Variants in EPC1 observed in about 807,000 individuals in gnomAD.
EPC1 encodes the protein enhancer of polycomb homolog 1.
Under a neutral mutation model 98.4 loss-of-function variants are expected in EPC1, and 12 were observed. The ratio of observed to expected loss-of-function variants is 0.12; its 90% CI spans 0.08 to 0.20. The LOEUF is 0.20. Among genes scored for constraint, EPC1 ranks in the 10% least tolerant of loss-of-function variants. The pLI is 1.00. For synonymous variants in EPC1, 357 were observed against 363.9 expected (o/e 0.98, Z 0.21); for missense variants, 729 against 990.5 (o/e 0.74, Z 3.54).
chr10:32,347,354 ACAGG>A (rs1838919836), upstream of EPC1: 1 of 265,850 alleles, frequency 3.8e-6, no homozygotes, highest in African/African-American at 2.4e-5. Context: ...CCGGGGGCGG[ACAGG>A]GCGGACTGGG....
chr10:32,364,001 C>CCTTTTTTTTTTT lies in EPC1; in HGVS notation c.3+14489_3+14490insAAAAAAAAAAAG, dbSNP rs770520611. Reference sequence around the variant, plus strand: ...AATAGTATCGTGTCCATCATGTTGGCATTTTTTTTTTTTTTTTTTTTTTTT... The same window carrying CCTTTTTTTTTTT: ...AATAGTATCGTGTCCATCATGTTGGCCTTTTTTTTTTTATTTTTTTTTTTTTTTTTTTTTTTT... On this transcript the variant is annotated intron_variant, in intron 1 of 13. Transcript: ENST00000375110. Among the ~76,000 whole-genome samples the CCTTTTTTTTTTT allele has an allele frequency of 3.6e-4, 22 of 61,858 alleles. 10 individuals carry two copies. Among genetic ancestry groups the CCTTTTTTTTTTT allele is most frequent in the Admixed American group, 9.7e-4 (4 of 4,120 alleles). The allele number at this position is 61,858 out of a possible 152,430, so 40.6% of individuals were successfully genotyped here. A position where few individuals can be genotyped will look rare whatever the true frequency, so the allele number is the denominator to read the frequency against.
At chr10:32,319,164 A>C (rs1836734214) in intron 1 of EPC1, among the ~76,000 whole-genome samples, 1 of 152,192 alleles carries the variant, frequency 6.6e-6, no homozygotes, top group Non-Finnish European at 1.5e-5. Context: ...ATGATTATGT[A>C]ATACTATGGT....
chr10:32,292,892 T>C (rs1210599959), intron 4 of EPC1, 96 bp downstream of exon 4: 2 of 852,408 alleles, frequency 2.3e-6, no homozygotes, highest in Non-Finnish European at 3.4e-6. Flanking sequence ...TGGAAAGTCA[T>C]ATTTGAATAT....
chr10:32,364,430 A>C (rs1839539431), intron 1 of EPC1, among the ~76,000 whole-genome samples: 1 of 152,178 alleles, frequency 6.6e-6, no homozygotes, highest in Non-Finnish European at 1.5e-5. Flanking sequence ...ATTAAAAATT[A>C]ACCCATGCTA....
intron 10 of EPC1, among the ~76,000 whole-genome samples, chr10:32,279,353 A>C (rs1458244635): frequency 6.6e-6 from 1 of 151,858 alleles, no homozygotes; most frequent in Admixed American, 6.6e-5. Flanking sequence ...GTCTTAAAAA[A>C]AAAAAAAAAA....
chr10:32,368,738 T>C (rs1222416872), intron 1 of EPC1, among the ~76,000 whole-genome samples: 4 of 152,154 alleles, frequency 2.6e-5, no homozygotes, highest in Non-Finnish European at 5.9e-5. Flanking sequence ...CGGTAATCTT[T>C]TAAATTCGCG....
At chr10:32,295,172 T>G (rs1835077326) in intron 2 of EPC1, among the ~76,000 whole-genome samples, 1 of 152,206 alleles carries the variant, frequency 6.6e-6, no homozygotes, top group African/African-American at 2.4e-5. Flanking sequence ...GAGGCATGCC[T>G]TCTTTACTTC....
chr10:32,332,803 G>T (rs923811436), intron 1 of EPC1, among the ~76,000 whole-genome samples: 3 of 152,238 alleles, frequency 2.0e-5, no homozygotes, highest in Non-Finnish European at 4.4e-5. Flanking sequence ...AGTAATACAT[G>T]TTGATACTGG....
At chr10:32,271,333 T>C (rs75013346) in intron 13 of EPC1, among the ~76,000 whole-genome samples, 1,734 of 152,296 alleles carry the variant, frequency 0.011, 35 homozygotes, top group African/African-American at 0.039. Context: ...AAATCATATA[T>C]GCAACATTCA....
chr10:32,288,793 T>C (rs1021482872), intron 6 of EPC1, among the ~76,000 whole-genome samples: 16 of 152,116 alleles, frequency 1.1e-4, no homozygotes, highest in Admixed American at 9.2e-4. Context: ...CACATTAAAA[T>C]AGTTAAGAGT....
At position 32,364,570 on chromosome 10, in the gene EPC1, A is replaced by G. The variant is rs142460049; in HGVS notation, c.3+13921T>C. ...ATATCCCTGGGCTTCCATCTCCTCA[A>G]CTTTGAAAAGAAGGAGTGAGACTCG... On this transcript the variant is annotated intron_variant, in intron 1 of 13. Coordinates refer to the EPC1 transcript ENST00000375110. 9.2e-3 allele frequency among the ~76,000 whole-genome samples: 1,407 copies of G among 152,274 alleles called. 19 individuals are homozygous for G. The highest frequency in any genetic ancestry group is 0.032 in the African/African-American group (1,344 of 41,536).
intron 1 of EPC1, chr10:32,374,471 TC>T (rs1010040120): frequency 2.4e-4 from 36 of 152,208 alleles, no homozygotes; most frequent in African/African-American, 8.4e-4. Flanking sequence ...AGCCAATAAA[TC>T]AAAGTTTCAT....
At chr10:32,320,917 TG>T (rs1554822205) in intron 1 of EPC1, among the ~76,000 whole-genome samples, 1 of 3,632 alleles carries the variant, frequency 2.8e-4, no homozygotes, top group Non-Finnish European at 8.9e-4. Context: ...GTTCTTTAAA[TG>T]TTTGGTGGGA....
intron 2 of EPC1, among the ~76,000 whole-genome samples, chr10:32,303,793 A>G (rs1835716140): frequency 6.6e-6 from 1 of 152,264 alleles, no homozygotes; most frequent in Non-Finnish European, 1.5e-5. Flanking sequence ...TGTGGTACAC[A>G]TCTAACTGGT....
intron 10 of EPC1, among the ~76,000 whole-genome samples, chr10:32,278,527 G>A (rs919020093): frequency 1.4e-5 from 2 of 144,312 alleles, no homozygotes; most frequent in Non-Finnish European, 1.5e-5. Context: ...GACTACAGGC[G>A]CCCGCCACTA....
chr10:32,297,625 G>A (rs1016531254), intron 2 of EPC1, among the ~76,000 whole-genome samples: 4 of 152,038 alleles, frequency 2.6e-5, no homozygotes, highest in Non-Finnish European at 5.9e-5. Flanking sequence ...CACTGTGTAA[G>A]CTGGCTCCTT....
At chr10:32,362,644 AG>A (rs1839476397) in intron 1 of EPC1, among the ~76,000 whole-genome samples, 1 of 152,188 alleles carries the variant, frequency 6.6e-6, no homozygotes, top group African/African-American at 2.4e-5. Flanking sequence ...ACGCAGTCTC[AG>A]GTATTTACGG....
chr10:32,372,837 A>G (rs1477739121), intron 1 of EPC1, among the ~76,000 whole-genome samples: 6 of 152,194 alleles, frequency 3.9e-5, no homozygotes, highest in African/African-American at 9.6e-5. Flanking sequence ...CCTGGCCAAC[A>G]TGGCAAAATC....
chr10:32,292,939 A>G (rs541924680), intron 4 of EPC1, 49 bp downstream of exon 4: 25 of 1,212,606 alleles, frequency 2.1e-5, no homozygotes, highest in Admixed American at 2.9e-5. Flanking sequence ...CATAACTATA[A>G]ATAATTTTTA....
Sources: allele counts gnomAD v4.1 joint callset (sites outside exome capture counted in the v4.1 genomes callset), GRCh38; gene constraint gnomAD v4.1.1; transcripts MANE v1.5; gene names NCBI Gene and HGNC (gene_info 2026-07-23, HGNC 2026-07-21).